The following MAN2A1 variants were observed in gnomAD, a reference collection of about 807,000 sequenced individuals.
MAN2A1 encodes the protein alpha-mannosidase 2.
MAN2A1 carries 76 observed loss-of-function variants against 142.6 expected under a neutral mutation model. That is an observed-to-expected ratio of 0.53 (90% confidence interval 0.44 to 0.65). MAN2A1 has a LOEUF of 0.65. MAN2A1 is among the 30% of genes least tolerant of loss of function. MAN2A1 has a pLI of 0.00. For synonymous variants in MAN2A1, 559 were observed against 473.2 expected (o/e 1.18, Z -2.35); for missense variants, 1,311 against 1,365.1 (o/e 0.96, Z 0.62).
At chr5:109,794,380 C>T (rs948863004) in intron 12 of MAN2A1, 1 of 152,076 alleles carries the variant, frequency 6.6e-6, no homozygotes, top group African/African-American at 2.4e-5. Context: ...AAGCTTAAAC[C>T]TTGACACGTA....
At chr5:109,814,875 C>T (rs2112717708) in intron 12 of MAN2A1, among the ~76,000 whole-genome samples, 3 of 152,170 alleles carry the variant, frequency 2.0e-5, no homozygotes, top group Middle Eastern at 6.8e-3. Context: ...TCTTCATGAC[C>T]TTTGGCTGTA....
At chr5:109,854,873 T>A (rs1040824081) in intron 19 of MAN2A1, 7 of 277,560 alleles carry the variant, frequency 2.5e-5, no homozygotes, top group Admixed American at 1.0e-4. Context: ...CTGAAATGTT[T>A]GTAGGAAATG....
chr5:109,722,950 T>C (rs1751646139), intron 3 of MAN2A1, among the ~76,000 whole-genome samples: 1 of 152,190 alleles, frequency 6.6e-6, no homozygotes, highest in Non-Finnish European at 1.5e-5. Flanking sequence ...TGTTAGATGC[T>C]CATAGATGGG....
rs1355475155 is a variant in MAN2A1 at position 109,693,678 on chromosome 5, C to G, written c.135+3126C>G. Among the ~76,000 whole-genome samples the G allele has an allele frequency of 2.0e-5, 3 of 152,026 alleles. No individual in the cohort carries two copies. In the East Asian group the frequency reaches 5.8e-4, roughly 29 times the overall value. ...GACTCTGGGGCAAGAGTGGGCTGGC[C>G]GAGGGTGCTCCAGTTTCTCTCACCC... On this transcript the variant is annotated intron_variant, in intron 1 of 21. Transcript: ENST00000261483.
intron 19 of MAN2A1, chr5:109,854,309 C>G (rs1400608006): frequency 6.6e-6 from 1 of 152,146 alleles, no homozygotes; most frequent in Non-Finnish European, 1.5e-5. Flanking sequence ...TGCATGTCAT[C>G]TAGCATATTT....
intron 16 of MAN2A1, among the ~76,000 whole-genome samples, chr5:109,836,345 A>G (rs1210562184): frequency 1.3e-5 from 2 of 151,160 alleles, no homozygotes; most frequent in Non-Finnish European, 2.9e-5. Flanking sequence ...TCAAATCCTG[A>G]CTTCACATGA....
rs780615161 is a variant in MAN2A1 at position 109,755,341 on chromosome 5, T to C, written c.720T>C (p.Asn240=). 3 of 1,611,920 alleles carry C rather than the reference T, an allele frequency of 1.9e-6. No individual in the cohort carries two copies. The highest frequency in any genetic ancestry group is 1.7e-4 in the Middle Eastern group (1 of 6,054). The change falls in exon 5 of 22, where the codon AAT becomes AAC. Residue 240 remains asparagine (N), a synonymous_variant. Coordinates refer to ENST00000261483, the MANE Select transcript of MAN2A1 (RefSeq NM_002372.4). The part of the protein sequence containing the change: ...KKDAVKSLIE[N]GQLEIVTGGW... ...ATTTTCTCTCTAGTTTAATAGAAAA[T>C]GGTCAGCTTGAAATTGTGACAGGTG...
intron 16 of MAN2A1, among the ~76,000 whole-genome samples, chr5:109,835,564 T>C (rs1755033920): frequency 3.3e-5 from 5 of 152,208 alleles, no homozygotes; most frequent in Admixed American, 2.6e-4. Flanking sequence ...GTCTTTTTCC[T>C]AGGTGACCGT....
chr5:109,817,567 A>C, intron 13 of MAN2A1, 129 bp downstream of exon 13: 1 of 829,718 alleles, frequency 1.2e-6, no homozygotes, highest in East Asian at 2.6e-5. Flanking sequence ...AGTTGTAAAT[A>C]CCAGAGAGTT....
intron 4 of MAN2A1, among the ~76,000 whole-genome samples, chr5:109,744,810 C>G (rs1477074670): frequency 6.6e-6 from 1 of 152,152 alleles, no homozygotes; most frequent in Non-Finnish European, 1.5e-5. Context: ...CTTGTACAGA[C>G]ATTTTCATAC....
At chr5:109,729,652 TG>T in intron 4 of MAN2A1, 139 bp downstream of exon 4, 2 of 496,102 alleles carry the variant, frequency 4.0e-6, no homozygotes, top group Non-Finnish European at 6.7e-6. Flanking sequence ...CCGTTTTCGT[TG>T]ATTTTGGTTC....
At chr5:109,827,701 T>C (rs1383789195) in intron 16 of MAN2A1, among the ~76,000 whole-genome samples, 2 of 152,194 alleles carry the variant, frequency 1.3e-5, no homozygotes, top group African/African-American at 2.4e-5. Context: ...GTTTTCCTTT[T>C]CATTATCGTT....
intron 3 of MAN2A1, among the ~76,000 whole-genome samples, chr5:109,727,481 G>T (rs963132031): frequency 6.6e-6 from 1 of 152,140 alleles, no homozygotes; most frequent in African/African-American, 2.4e-5. Context: ...GTCACATTCT[G>T]AGGTGGTGAG....
chr5:109,769,550 A>G (rs1464967896), intron 6 of MAN2A1, among the ~76,000 whole-genome samples: 1 of 152,208 alleles, frequency 6.6e-6, no homozygotes, highest in Non-Finnish European at 1.5e-5. Context: ...GCTTTTAACT[A>G]CTAGGTAGGT....
chr5:109,717,127 G>A (rs1268604893), intron 3 of MAN2A1, among the ~76,000 whole-genome samples: 1 of 151,906 alleles, frequency 6.6e-6, no homozygotes, highest in Non-Finnish European at 1.5e-5. Flanking sequence ...GAAGGAGTGT[G>A]TTACTTTTCT....
At chr5:109,716,909 G>C (rs17162103) in intron 3 of MAN2A1, among the ~76,000 whole-genome samples, 4,667 of 152,236 alleles carry the variant, frequency 0.031, 231 homozygotes, top group African/African-American at 0.11. Context: ...ATATGATGGC[G>C]TTTATTTATT....
chr5:109,732,285 G>A (rs1751937586), intron 4 of MAN2A1, among the ~76,000 whole-genome samples: 1 of 151,398 alleles, frequency 6.6e-6, no homozygotes, highest in African/African-American at 2.4e-5. Context: ...TGAGTAGGTT[G>A]CAAAAATTTT....
intron 16 of MAN2A1, among the ~76,000 whole-genome samples, chr5:109,841,664 G>T (rs773341300): frequency 1.1e-4 from 17 of 152,248 alleles, no homozygotes; most frequent in Non-Finnish European, 1.9e-4. Context: ...TTTTAAAGCT[G>T]TCCTCTGTTT....
chr5:109,769,888 C>T (rs940204693), intron 6 of MAN2A1, among the ~76,000 whole-genome samples: 2 of 152,088 alleles, frequency 1.3e-5, no homozygotes, highest in African/African-American at 4.8e-5. Context: ...AGTCTATGCT[C>T]CACACTTCCT....
Sources: gnomAD v4.1 joint callset for allele counts (sites outside exome capture counted in the v4.1 genomes callset) on GRCh38, gnomAD v4.1.1 for gene constraint, MANE v1.5 for transcripts, NCBI Gene and HGNC (gene_info 2026-07-23, HGNC 2026-07-21) for gene names.